SUGCT: variants seen among roughly 807,000 people sequenced by gnomAD.
SUGCT encodes succinyl-CoA:glutarate CoA-transferase.
SUGCT carries 41 observed loss-of-function variants against 55.0 expected under a neutral mutation model. That is an observed-to-expected ratio of 0.74 (90% CI 0.58 to 0.97). SUGCT has a LOEUF of 0.97. Among genes scored for constraint, SUGCT ranks in the 50% least tolerant of loss-of-function variants. The pLI, the probability that SUGCT is intolerant of heterozygous loss-of-function variation, is 0.00. For synonymous variants in SUGCT, 187 were observed against 200.4 expected (o/e 0.93, Z 0.56); for missense variants, 568 against 547.8 (o/e 1.04, Z -0.37).
chr7:40,677,299 C>T (rs895243415), intron 12 of SUGCT, among the ~76,000 whole-genome samples: 7 of 152,046 alleles, frequency 4.6e-5, no homozygotes, highest in South Asian at 2.1e-4. Flanking sequence ...TTCTGTCAGC[C>T]GTAAGTGATA....
At chr7:40,543,481 G>A (rs1054055596) in intron 12 of SUGCT, among the ~76,000 whole-genome samples, 2 of 152,264 alleles carry the variant, frequency 1.3e-5, no homozygotes, top group South Asian at 2.1e-4. Context: ...AGACTCTGCC[G>A]TACATCTGTT....
chr7:40,262,763 T>C (rs991380739), intron 7 of SUGCT, among the ~76,000 whole-genome samples: 2 of 152,132 alleles, frequency 1.3e-5, no homozygotes, highest in African/African-American at 4.8e-5. Flanking sequence ...TTTTGCTCTT[T>C]AGTGATTGTC....
intron 9 of SUGCT, among the ~76,000 whole-genome samples, chr7:40,326,052 G>T (rs1201750599): frequency 1.3e-5 from 2 of 151,954 alleles, no homozygotes; most frequent in Non-Finnish European, 2.9e-5. Flanking sequence ...GAGCTGTAGG[G>T]CAAGTGTAGG....
rs186072040 is a variant in SUGCT, at chr7:40,750,805, T to A, written c.1153+1308T>A. On this transcript the variant is annotated intron_variant, in intron 13 of 13. Coordinates refer to ENST00000335693, the MANE Select transcript of SUGCT (RefSeq NM_001193313.2). ...GAGATCACATGTTCTAGGGAAATGT[T>A]ATATGGTATAGAAAAGTGGTAGAAA... Among the ~76,000 whole-genome samples the A allele has an allele frequency of 3.3e-3, 496 of 152,250 alleles. 2 individuals carry two copies. The highest frequency in any genetic ancestry group is 0.012 in the African/African-American group (478 of 41,548).
chr7:40,631,484 A>G (rs909595443), intron 12 of SUGCT, among the ~76,000 whole-genome samples: 1 of 152,232 alleles, frequency 6.6e-6, no homozygotes, highest in Non-Finnish European at 1.5e-5. Flanking sequence ...TCAAAGAACT[A>G]AATCAGCAGT....
chr7:40,699,606 C>T lies in SUGCT; in HGVS notation c.1090-49828C>T, dbSNP rs746009523. On this transcript the variant is annotated intron_variant, in intron 12 of 13. Coordinates refer to ENST00000335693, the MANE Select transcript of SUGCT (RefSeq NM_001193313.2). Reference sequence around the variant, plus strand: ...TGTTAAGGCCCCTCACAGTGGCTTACGCCTGTAATCCCAGCACTTTGGGAG... The same window carrying T: ...TGTTAAGGCCCCTCACAGTGGCTTATGCCTGTAATCCCAGCACTTTGGGAG... 3.3e-5 allele frequency among the ~76,000 whole-genome samples: 5 copies of T among 152,178 alleles called. No individual in the cohort carries two copies. The East Asian group carries it at 5.8e-4, about 18-fold the overall frequency.
intron 12 of SUGCT, among the ~76,000 whole-genome samples, chr7:40,737,006 C>G (rs1340176943): frequency 6.6e-6 from 1 of 152,030 alleles, no homozygotes; most frequent in Non-Finnish European, 1.5e-5. Flanking sequence ...CTAATGATTT[C>G]CAGATTAAAA....
chr7:40,542,213 A>G (rs986238360), intron 12 of SUGCT, among the ~76,000 whole-genome samples: 3 of 152,226 alleles, frequency 2.0e-5, no homozygotes, highest in Non-Finnish European at 2.9e-5. Context: ...CACAAAGGCC[A>G]TATGACATAG....
chr7:40,428,299 A>C (rs1350293740), intron 9 of SUGCT, among the ~76,000 whole-genome samples: 1 of 152,128 alleles, frequency 6.6e-6, no homozygotes, highest in East Asian at 1.9e-4. Flanking sequence ...GACGGCATAT[A>C]GTTGGATTTT....
At chr7:40,898,313 G>A in the SUGCT span, among the ~76,000 whole-genome samples, 6 of 152,230 alleles carry the variant, frequency 3.9e-5, no homozygotes, top group Admixed American at 6.5e-5. Flanking sequence ...GCTTTGCTGC[G>A]TTTAAGAGCC....
intron 13 of SUGCT, among the ~76,000 whole-genome samples, chr7:40,774,805 G>A (rs1789369515): frequency 6.6e-6 from 1 of 150,426 alleles, no homozygotes; most frequent in African/African-American, 2.4e-5. Context: ...CACAAATTTG[G>A]TGTGAACATC....
At chr7:40,880,276 G>T in the SUGCT span, among the ~76,000 whole-genome samples, 19,985 of 152,150 alleles carry the variant, frequency 0.13, 1,698 homozygotes, top group Non-Finnish European at 0.17. Flanking sequence ...GGTTTATTTA[G>T]TTATTTATTT....
At chr7:40,714,130 G>T (rs1785881678) in intron 12 of SUGCT, among the ~76,000 whole-genome samples, 1 of 152,090 alleles carries the variant, frequency 6.6e-6, no homozygotes, top group African/African-American at 2.4e-5. Context: ...AGGAGCCTGA[G>T]ACCAGCCTGC....
intron 11 of SUGCT, among the ~76,000 whole-genome samples, chr7:40,460,115 C>G (rs6965918): frequency 6.6e-6 from 1 of 151,960 alleles, no homozygotes; most frequent in Middle Eastern, 3.2e-3. Context: ...ACTAAAATTC[C>G]GCTGTTTTTA....
chr7:40,303,690 G>A (rs1225172982), intron 8 of SUGCT, among the ~76,000 whole-genome samples: 2 of 152,140 alleles, frequency 1.3e-5, no homozygotes, highest in Non-Finnish European at 2.9e-5. Context: ...ACAAAGACCT[G>A]TGCAAGTTAG....
At chr7:40,228,153 G>A (rs554454885) in intron 6 of SUGCT, among the ~76,000 whole-genome samples, 1 of 152,208 alleles carries the variant, frequency 6.6e-6, no homozygotes, top group South Asian at 2.1e-4. Context: ...AAGGTGCTGG[G>A]ATTACAGGTG....
intron 12 of SUGCT, among the ~76,000 whole-genome samples, chr7:40,713,875 C>A (rs1188344175): frequency 6.6e-6 from 1 of 152,206 alleles, no homozygotes; most frequent in African/African-American, 2.4e-5. Context: ...ATTCTCTTAA[C>A]CCTTTTGGAA....
intron 9 of SUGCT, among the ~76,000 whole-genome samples, chr7:40,433,668 G>A (rs1298898929): frequency 1.3e-5 from 2 of 152,194 alleles, no homozygotes; most frequent in Non-Finnish European, 2.9e-5. Context: ...GAAGAGGAAT[G>A]CTCAGTTGCA....
chr7:40,852,084 T>C (rs1307010233), intron 13 of SUGCT, among the ~76,000 whole-genome samples: 1 of 152,204 alleles, frequency 6.6e-6, no homozygotes, highest in Non-Finnish European at 1.5e-5. Flanking sequence ...CCCACTGACA[T>C]CTCTCTTTGG....
Sources: allele counts gnomAD v4.1 joint callset (sites outside exome capture counted in the v4.1 genomes callset), GRCh38; gene constraint gnomAD v4.1.1; transcripts MANE v1.5; gene names NCBI Gene and HGNC (gene_info 2026-07-23, HGNC 2026-07-21).